PPP2R2A: variants seen among roughly 807,000 people sequenced by gnomAD.
PPP2R2A encodes the protein protein phosphatase 2 regulatory subunit Balpha.
In PPP2R2A, 9 loss-of-function variants were observed where a neutral mutation model predicts 53.2. That is an observed-to-expected ratio of 0.17 (90% CI 0.10 to 0.30). The LOEUF is 0.30. PPP2R2A is among the 10% of genes least tolerant of loss of function. The pLI, the probability that PPP2R2A is intolerant of heterozygous loss-of-function variation, is 1.00. For missense variants in PPP2R2A, 235 were observed against 534.6 expected (o/e 0.44, Z 5.53); for synonymous variants, 169 against 174.2 (o/e 0.97, Z 0.23).
intron 2 of PPP2R2A, among the ~76,000 whole-genome samples, chr8:26,301,385 T>C (rs1055768420): frequency 6.7e-6 from 1 of 150,212 alleles, no homozygotes; most frequent in African/African-American, 2.5e-5. Flanking sequence ...CTGGCTGGAG[T>C]GCAATGGCGT....
At chr8:26,348,726 T>C (rs1563315161) in intron 3 of PPP2R2A, among the ~76,000 whole-genome samples, 1 of 152,352 alleles carries the variant, frequency 6.6e-6, no homozygotes, top group East Asian at 1.9e-4. Context: ...TTTCAGAAGT[T>C]TGCCTTTAAG....
intron 3 of PPP2R2A, among the ~76,000 whole-genome samples, chr8:26,346,554 T>C (rs1390878803): frequency 6.6e-6 from 1 of 152,248 alleles, no homozygotes; most frequent in Non-Finnish European, 1.5e-5. Context: ...CAAAGTCTTA[T>C]TCAAGGATGA....
chr8:26,326,358 G>A (rs1004115931), intron 2 of PPP2R2A, among the ~76,000 whole-genome samples: 3 of 152,144 alleles, frequency 2.0e-5, no homozygotes, highest in Non-Finnish European at 4.4e-5. Flanking sequence ...AAATTCCCAA[G>A]TGGACTTCTT....
intron 2 of PPP2R2A, among the ~76,000 whole-genome samples, chr8:26,310,926 C>G (rs1042208075): frequency 6.6e-6 from 1 of 152,136 alleles, no homozygotes; most frequent in Non-Finnish European, 1.5e-5. Flanking sequence ...TATCACAGCC[C>G]TTTTCCCCTT....
intron 3 of PPP2R2A, among the ~76,000 whole-genome samples, chr8:26,339,717 A>G (rs1241700169): frequency 6.6e-6 from 1 of 152,134 alleles, no homozygotes. Context: ...CATTAAAATC[A>G]GTTGTTTTGG....
At position 26,360,484 on chromosome 8, in the gene PPP2R2A, A is replaced by C. The variant is rs1433022094; in HGVS notation, c.459+203A>C. On this transcript the variant is annotated intron_variant, in intron 5 of 9. Transcript: ENST00000380737. The surrounding 1 kb of genome is among the most constrained non-coding windows in gnomAD (Gnocchi z 4.5). The stretch of plus-strand genomic sequence containing the variant: ...TCTCACTTTGGCCAGGGACAGAAGC[A>C]GGACTCAAGCACAAGACAGTATTTC... 2.7e-6 allele frequency: 1 copy of C among 375,510 alleles called. No individual in the cohort carries two copies. Among genetic ancestry groups the C allele is most frequent in the African/African-American group, 2.1e-5 (1 of 47,994 alleles). The allele number at this position is 375,510 out of a possible 1,614,324, so 23.3% of individuals were successfully genotyped here. A position where few individuals can be genotyped will look rare whatever the true frequency, so the allele number is the denominator to read the frequency against.
chr8:26,331,041 T>C (rs1803345318), intron 2 of PPP2R2A, among the ~76,000 whole-genome samples: 1 of 152,178 alleles, frequency 6.6e-6, no homozygotes, highest in South Asian at 2.1e-4. Context: ...CAGAGCCTCA[T>C]GTCACTTCAT....
At chr8:26,349,929 G>T (rs1804409836) in intron 3 of PPP2R2A, among the ~76,000 whole-genome samples, 1 of 152,174 alleles carries the variant, frequency 6.6e-6, no homozygotes, top group Non-Finnish European at 1.5e-5. Flanking sequence ...ACAGTAAAAA[G>T]TTCTGCTAAT....
intron 2 of PPP2R2A, among the ~76,000 whole-genome samples, chr8:26,308,984 C>G (rs1802151643): frequency 6.6e-6 from 1 of 152,066 alleles, no homozygotes; most frequent in South Asian, 2.1e-4. Context: ...CCTCAGCCTT[C>G]CAAGTGGTTG....
intron 9 of PPP2R2A, among the ~76,000 whole-genome samples, chr8:26,369,146 A>T (rs889369891): frequency 6.6e-6 from 1 of 151,726 alleles, no homozygotes; most frequent in African/African-American, 2.4e-5. Context: ...CACACACATT[A>T]TGTACCACTT....
chr8:26,304,701 C>G (rs1429270222), intron 2 of PPP2R2A, among the ~76,000 whole-genome samples: 1 of 152,160 alleles, frequency 6.6e-6, no homozygotes, highest in African/African-American at 2.4e-5. Context: ...TGGGAAGGCT[C>G]TAATTCAAGA....
At position 26,370,706 on chromosome 8, in the gene PPP2R2A, C is replaced by T; in HGVS notation, c.*293C>T. 1 of 393,110 alleles carries T rather than the reference C, an allele frequency of 2.5e-6. No homozygotes were observed. Among genetic ancestry groups the T allele is most frequent in the Non-Finnish European group, 4.7e-6 (1 of 212,082 alleles). 24.4% of individuals were successfully genotyped at this position (393,110 alleles called of 1,614,324 possible). A position where few individuals can be genotyped will look rare whatever the true frequency, so the allele number is the denominator to read the frequency against. On this transcript the variant is annotated 3_prime_UTR_variant, in exon 10 of 10. Coordinates refer to ENST00000380737, the MANE Select transcript of PPP2R2A (RefSeq NM_002717.4). The surrounding 1 kb of genome is among the most constrained non-coding windows in gnomAD (Gnocchi z 6.1). ...ATTGGACTGTATCAACATTGATTTA[C>T]TCCACTTTTTATGCCTTCCATTGTG... is the stretch of plus-strand genomic sequence containing the variant.
rs916014169 is a variant in PPP2R2A, at chr8:26,301,389, A to G, written c.82+7649A>G. Among the ~76,000 whole-genome samples, 22 of 148,258 alleles carry G rather than the reference A, an allele frequency of 1.5e-4. No individual in the cohort carries two copies. The South Asian group carries it at 1.7e-3, about 11-fold the overall frequency. On this transcript the variant is annotated intron_variant, in intron 2 of 9. Transcript: ENST00000380737. ...GCTCTGTCATCCTGGCTGGAGTGCA[A>G]TGGCGTGATCATGGCTCACTGCAGC...
chr8:26,344,707 TC>T (rs1316780788), intron 3 of PPP2R2A, among the ~76,000 whole-genome samples: 1 of 152,208 alleles, frequency 6.6e-6, no homozygotes, highest in Non-Finnish European at 1.5e-5. Context: ...CTTTTGGGGC[TC>T]CTTAGGGTAT....
intron 2 of PPP2R2A, among the ~76,000 whole-genome samples, chr8:26,323,815 T>C (rs1207300446): frequency 6.6e-6 from 1 of 152,156 alleles, no homozygotes; most frequent in African/African-American, 2.4e-5. Context: ...CATTGGCCGT[T>C]TGTGATCTGC....
Position 26,321,364 on chromosome 8 carries a change from CTTCT to C in PPP2R2A, c.83-17523_83-17520del, listed in dbSNP as rs1802832404. Among the ~76,000 whole-genome samples, 1 of 152,196 alleles carries C rather than the reference CTTCT, an allele frequency of 6.6e-6. No individual in the cohort carries two copies. The highest frequency in any genetic ancestry group is 1.5e-5 in the Non-Finnish European group (1 of 68,040). On this transcript the variant is annotated intron_variant, in intron 2 of 9. Transcript: ENST00000380737. The surrounding 1 kb of genome is among the most constrained non-coding windows in gnomAD (Gnocchi z 4.1). ...AGTTGAAACTCTGCCCCCAGGCTGC[CTTCT>C]TTGTCAGGCAGCCGCTTAAGGTGGC...
At position 26,360,272 on chromosome 8, in the gene PPP2R2A, T is replaced by C. The variant is rs1471480602; in HGVS notation, c.450T>C (p.Thr150=). 1.3e-6 allele frequency: 2 copies of C among 1,586,430 alleles called. No homozygotes were observed. The highest frequency in any genetic ancestry group is 1.3e-5 in the African/African-American group (1 of 74,098). ...GGTATAGAGATCCTACTACAGTTAC[T>C]ACACTACGAGTAAGTACATAAGAAA... ...DGRYRDPTTV[T]TLRVPVFRPM... is the part of the protein sequence containing the mutation. The change falls in exon 5 of 10, where the codon ACT becomes ACC. Residue 150 remains threonine, a synonymous_variant. Transcript: ENST00000380737. The surrounding 1 kb of genome is among the most constrained non-coding windows in gnomAD (Gnocchi z 4.5).
At chr8:26,293,244 G>C in intron 1 of PPP2R2A, 3 of 1,535,916 alleles carry the variant, frequency 2.0e-6, no homozygotes, top group Non-Finnish European at 2.6e-6. Context: ...TACCCAGGCA[G>C]TAATGTTCCC....
intron 2 of PPP2R2A, among the ~76,000 whole-genome samples, chr8:26,296,233 A>G (rs1192415312): frequency 6.6e-6 from 1 of 152,218 alleles, no homozygotes; most frequent in Non-Finnish European, 1.5e-5. Context: ...TTTCCTCATA[A>G]GTCTACAAGT....
Sources: gnomAD v4.1 joint callset for allele counts (sites outside exome capture counted in the v4.1 genomes callset) on GRCh38, gnomAD v4.1.1 for gene constraint, Gnocchi (gnomAD v3.1) non-coding constraint, MANE v1.5 for transcripts, NCBI Gene and HGNC (gene_info 2026-07-23, HGNC 2026-07-21) for gene names.